Variants in TMEM266 observed in about 807,000 individuals in gnomAD.
TMEM266 encodes the protein transmembrane protein 266.
A neutral mutation model predicts 50.5 loss-of-function variants in TMEM266; 33 were observed. The observed-to-expected ratio is 0.65, with a 90% CI of 0.50 to 0.87. The LOEUF (loss-of-function observed/expected upper bound fraction) is 0.87, where lower values mean the gene tolerates loss of function less well. Among genes scored for constraint, TMEM266 ranks in the 40% least tolerant of loss-of-function variants. TMEM266 has a pLI of 0.00. For missense variants in TMEM266, 655 were observed against 695.1 expected, an observed-to-expected ratio of 0.94 and a Z score of 0.65; for synonymous variants, 310 against 292.3, an observed-to-expected ratio of 1.06 and a Z score of -0.62.
At chr15:76,065,302 C>A (rs2036392406) in intron 1 of TMEM266, among the ~76,000 whole-genome samples, 1 of 152,174 alleles carries the variant, frequency 6.6e-6, no homozygotes, top group South Asian at 2.1e-4. Flanking sequence ...CTGCAAGGAG[C>A]TCCTGCCCCC....
In TMEM266 at chr15:76,117,612, G is replaced by A. The variant is rs182470572; in HGVS notation, c.-96-16556G>A. On this transcript the variant is annotated intron_variant, in intron 1 of 10. Transcript: ENST00000388942. ...AAGCCGTGATGAGAATATATCTGCC[G>A]TTTGTTTTGAATTGAAGGGAGATAA... is the stretch of plus-strand genomic sequence containing the variant. Among the ~76,000 whole-genome samples, 14 of 152,228 alleles carry A rather than the reference G, an allele frequency of 9.2e-5. No homozygotes were observed. The East Asian group carries it at 1.7e-3, about 19-fold the overall frequency.
intron 1 of TMEM266, among the ~76,000 whole-genome samples, chr15:76,066,696 GAC>G (rs1054748657): frequency 6.6e-6 from 1 of 151,756 alleles, no homozygotes; most frequent in African/African-American, 2.4e-5. Context: ...GCCTGGCAAA[GAC>G]AGCCTAAGTT....
intron 8 of TMEM266, among the ~76,000 whole-genome samples, chr15:76,176,990 T>C (rs2038293600): frequency 6.6e-6 from 1 of 152,228 alleles, no homozygotes; most frequent in Admixed American, 6.5e-5. Context: ...TCTTGGGTTT[T>C]GGTTGCGCTG....
rs2038186895 is a variant in TMEM266 at position 76,171,420 on chromosome 15, A to AG, written c.652+289_652+290insG. Among the ~76,000 whole-genome samples the AG allele has an allele frequency of 5.9e-5, 9 of 152,344 alleles. No homozygotes were observed. The South Asian group carries it at 1.9e-3, about 32-fold the overall frequency. On this transcript the variant is annotated intron_variant, in intron 7 of 10. Coordinates refer to ENST00000388942, the MANE Select transcript of TMEM266 (RefSeq NM_152335.3). ...AGCCTGGGGGGGCCAGCCCCCATGC[A>AG]AGCCCTTAGAGCAGGGCCTGCCATT...
intron 1 of TMEM266, among the ~76,000 whole-genome samples, chr15:76,081,960 A>G (rs970162348): frequency 6.6e-6 from 1 of 152,174 alleles, no homozygotes; most frequent in Non-Finnish European, 1.5e-5. Flanking sequence ...TCTTACCTCA[A>G]AGGAAGAATC....
intron 3 of TMEM266, among the ~76,000 whole-genome samples, chr15:76,145,324 C>T (rs998863905): frequency 4.6e-5 from 7 of 152,170 alleles, no homozygotes; most frequent in Non-Finnish European, 8.8e-5. Flanking sequence ...CTTCCTGCTG[C>T]GACAGGAACC....
intron 1 of TMEM266, among the ~76,000 whole-genome samples, chr15:76,086,071 A>G (rs2036772861): frequency 6.6e-6 from 1 of 152,156 alleles, no homozygotes; most frequent in Non-Finnish European, 1.5e-5. Flanking sequence ...AAAAAAGAAA[A>G]AAATGTCCAT....
intron 1 of TMEM266, among the ~76,000 whole-genome samples, chr15:76,066,303 A>G (rs906152850): frequency 2.0e-5 from 3 of 152,330 alleles, no homozygotes; most frequent in South Asian, 2.1e-4. Flanking sequence ...AGAGTTACCC[A>G]TGTCAGAACC....
At chr15:76,094,473 A>C (rs144633672) in intron 1 of TMEM266, among the ~76,000 whole-genome samples, 1 of 152,136 alleles carries the variant, frequency 6.6e-6, no homozygotes, top group East Asian at 1.9e-4. Context: ...ACATTGGTCT[A>C]TGTATCTGTT....
chr15:76,097,202 A>G (rs2036934362), intron 1 of TMEM266, among the ~76,000 whole-genome samples: 1 of 151,916 alleles, frequency 6.6e-6, no homozygotes, highest in Non-Finnish European at 1.5e-5. Context: ...CAGTTTCTTC[A>G]TAGTGTTGAT....
intron 1 of TMEM266, among the ~76,000 whole-genome samples, chr15:76,104,558 C>G (rs1033727579): frequency 1.9e-4 from 29 of 152,284 alleles, no homozygotes; most frequent in African/African-American, 6.7e-4. Context: ...GTGGCTCACG[C>G]CTGTAATCCC....
At chr15:76,179,840 G>A (rs545498653) in intron 8 of TMEM266, among the ~76,000 whole-genome samples, 3 of 152,270 alleles carry the variant, frequency 2.0e-5, no homozygotes, top group East Asian at 1.9e-4. Flanking sequence ...TGTAATCCCA[G>A]TGCTCTGGAA....
intron 1 of TMEM266, among the ~76,000 whole-genome samples, chr15:76,100,304 A>C (rs1321290819): frequency 6.6e-6 from 1 of 152,212 alleles, no homozygotes; most frequent in African/African-American, 2.4e-5. Context: ...TTGAATTGTT[A>C]TTACTATGTA....
intron 1 of TMEM266, among the ~76,000 whole-genome samples, chr15:76,099,880 G>A (rs1040826314): frequency 3.3e-5 from 5 of 152,204 alleles, no homozygotes; most frequent in African/African-American, 9.7e-5. Flanking sequence ...CAAAGAGGAA[G>A]CAAGCACATC....
At chr15:76,092,804 CTTTTTTTTTTT>C (rs35632529) in intron 1 of TMEM266, among the ~76,000 whole-genome samples, 1 of 118,644 alleles carries the variant, frequency 8.4e-6, no homozygotes, top group South Asian at 2.7e-4. Context: ...GAGTTAGGTG[CTTTTTTTTTTT>C]TTTTTTTTTT....
intron 2 of TMEM266, 127 bp downstream of exon 2, chr15:76,134,428 A>T (rs1478515037): frequency 2.1e-6 from 2 of 934,748 alleles, no homozygotes; most frequent in Non-Finnish European, 3.1e-6. Flanking sequence ...CAGAAAATGG[A>T]GAAACCTTTC....
intron 1 of TMEM266, among the ~76,000 whole-genome samples, chr15:76,122,461 C>T (rs2037360386): frequency 6.6e-6 from 1 of 152,144 alleles, no homozygotes; most frequent in Non-Finnish European, 1.5e-5. Flanking sequence ...TTTTTCCCTC[C>T]ATTTACCAAA....
In TMEM266 at chr15:76,116,402, A is replaced by G. The variant is rs111300195; in HGVS notation, c.-96-17766A>G. On this transcript the variant is annotated intron_variant, in intron 1 of 10. Transcript: ENST00000388942. ...ACCTAGCTTAAGGGAAAAGGTATGCACCCCTCCCTCATCCTCAGGGAAGGG... is the reference window on the plus strand; with the variant it reads ...ACCTAGCTTAAGGGAAAAGGTATGCGCCCCTCCCTCATCCTCAGGGAAGGG... Among the ~76,000 whole-genome samples the G allele has an allele frequency of 1.4e-3, 211 of 151,894 alleles. 2 individuals carry two copies. In the Middle Eastern group the frequency reaches 0.017, roughly 12 times the overall value.
chr15:76,168,649 C>A lies in TMEM266; in HGVS notation c.457-1167C>A, dbSNP rs2038135827. On this transcript the variant is annotated intron_variant, in intron 5 of 10. Coordinates refer to ENST00000388942, the MANE Select transcript of TMEM266 (RefSeq NM_152335.3). This position sits in a 1 kb window ranked among gnomAD's most constrained non-coding sequence, Gnocchi z 4.4. ...TTCGGGAATTATTCCTTCATGCACG[C>A]ATTGTTCATCTGTCCACAGTGCATA... 6.6e-6 allele frequency among the ~76,000 whole-genome samples: 1 copy of A among 152,258 alleles called. No homozygotes were observed. Among genetic ancestry groups the A allele is most frequent in the Non-Finnish European group, 1.5e-5 (1 of 68,048 alleles).
Sources: allele counts gnomAD v4.1 joint callset (sites outside exome capture counted in the v4.1 genomes callset), GRCh38; gene constraint gnomAD v4.1.1; non-coding constraint Gnocchi (gnomAD v3.1); transcripts MANE v1.5; gene names NCBI Gene and HGNC (gene_info 2026-07-23, HGNC 2026-07-21).